ZNF454: variants seen among roughly 807,000 people sequenced by gnomAD.
ZNF454 encodes the protein zinc finger protein 454.
A neutral mutation model predicts 48.2 loss-of-function variants in ZNF454; 30 were observed. The ratio of observed to expected loss-of-function variants is 0.62; its 90% CI spans 0.47 to 0.84. The LOEUF is 0.84. Ranked by LOEUF, ZNF454 falls within the 40% of genes least tolerant of loss-of-function variation. The probability of loss-of-function intolerance (pLI) is 0.00; values close to 1 mark genes in which losing one functional copy is unlikely to be tolerated. For missense variants in ZNF454, 510 were observed against 623.1 expected (o/e 0.82, Z 1.93); for synonymous variants, 204 against 211.4 (o/e 0.97, Z 0.30).
the ZNF454 span, chr5:178,986,657 C>G: frequency 6.2e-7 from 1 of 1,602,746 alleles, no homozygotes; most frequent in South Asian, 1.1e-5. Flanking sequence ...CAGGGGACGC[C>G]CTTCACCATC....
At chr5:178,985,702 A>T in the ZNF454 span, 3 of 198,398 alleles carry the variant, frequency 1.5e-5, no homozygotes, top group Non-Finnish European at 2.8e-5. Context: ...GACTCTGTCT[A>T]AAAAAAAAAA....
At chr5:178,989,690 A>ATTTTTT in the ZNF454 span, 9 of 530,278 alleles carry the variant, frequency 1.7e-5, no homozygotes, top group South Asian at 4.1e-5. Context: ...ATGCTGATGC[A>ATTTTTT]AACTCAGAGC....
downstream of ZNF454, among the ~76,000 whole-genome samples, chr5:178,970,079 T>C (rs1021729762): frequency 6.6e-5 from 10 of 152,228 alleles, no homozygotes; most frequent in East Asian, 1.9e-3. Flanking sequence ...TGCAGCAGAC[T>C]CAGGCTTCCA....
At chr5:178,974,463 C>T in the ZNF454 span, among the ~76,000 whole-genome samples, 25 of 152,028 alleles carry the variant, frequency 1.6e-4, 1 homozygote, top group Admixed American at 1.6e-3. Context: ...AGACTACAGG[C>T]GCCCGCCACC....
the ZNF454 span, among the ~76,000 whole-genome samples, chr5:178,975,153 C>CA: frequency 2.6e-5 from 4 of 152,106 alleles, no homozygotes; most frequent in Non-Finnish European, 1.5e-5. Flanking sequence ...ACTAAAAATA[C>CA]AAAAATTAGC....
the ZNF454 span, chr5:178,986,747 C>G: frequency 6.2e-7 from 1 of 1,607,654 alleles, no homozygotes; most frequent in Non-Finnish European, 8.5e-7. Flanking sequence ...CACTGCAGGG[C>G]CTCCACCTGG....
At chr5:178,983,267 A>C in the ZNF454 span, 1 of 1,534,936 alleles carries the variant, frequency 6.5e-7, no homozygotes, top group East Asian at 2.3e-5. Flanking sequence ...TCCAGGGACA[A>C]ATCCATTCCA....
the ZNF454 span, among the ~76,000 whole-genome samples, chr5:178,977,951 G>T: frequency 6.6e-6 from 1 of 152,042 alleles, no homozygotes; most frequent in African/African-American, 2.4e-5. Flanking sequence ...CTATCCAACT[G>T]GTCAGTTTCT....
chr5:178,983,453 G>A, the ZNF454 span: 3 of 693,638 alleles, frequency 4.3e-6, no homozygotes, highest in South Asian at 3.0e-5. Flanking sequence ...GGCAGCTGCG[G>A]AGAAGGGCTG....
At chr5:178,947,066 G>A (rs1468141809) in intron 4 of ZNF454, 80 bp downstream of exon 4, 1 of 1,132,106 alleles carries the variant, frequency 8.8e-7, no homozygotes. Flanking sequence ...AGGGAGGCTT[G>A]CAGATGCACC....
At chr5:178,987,095 T>C in the ZNF454 span, 3 of 1,111,264 alleles carry the variant, frequency 2.7e-6, no homozygotes, top group Admixed American at 5.9e-5. Flanking sequence ...GCATCACTGC[T>C]CATAAGGGAC....
At chr5:178,986,083 G>C in the ZNF454 span, 3 of 1,570,592 alleles carry the variant, frequency 1.9e-6, no homozygotes, top group South Asian at 3.5e-5. Flanking sequence ...GTAACGTTGC[G>C]GACAGTCCCC....
At chr5:178,974,314 T>A in the ZNF454 span, among the ~76,000 whole-genome samples, 1 of 119,872 alleles carries the variant, frequency 8.3e-6, no homozygotes, top group East Asian at 2.5e-4. Flanking sequence ...GTGGTTGTGG[T>A]TGTTGTTGTT....
Position 178,947,002 on chromosome 5 carries a change from G to A in ZNF454, c.250+16G>A. The A allele has an allele frequency of 6.2e-7, 1 of 1,609,332 alleles. No homozygotes were observed. Reference sequence around the variant, plus strand: ...TTCTGTCTTGGTAAGAATCATGTGTGTGGGAGACACCGGGAGGAGCCCTGC... The same window carrying A: ...TTCTGTCTTGGTAAGAATCATGTGTATGGGAGACACCGGGAGGAGCCCTGC... On this transcript the variant is annotated intron_variant, in intron 4 of 4. Transcript: ENST00000519564.
At chr5:178,987,100 A>T in the ZNF454 span, 1 of 1,056,618 alleles carries the variant, frequency 9.5e-7, no homozygotes, top group Non-Finnish European at 1.4e-6. Flanking sequence ...ACTGCTCATA[A>T]GGGACGTGCA....
At chr5:178,942,585 C>G in intron 1 of ZNF454, 100 bp from the exon 2 acceptor site, 1 of 524,958 alleles carries the variant, frequency 1.9e-6, no homozygotes, top group South Asian at 3.0e-5. Context: ...AACCAAAACA[C>G]TCACTGCTTG....
intron 4 of ZNF454, 42 bp from the exon 5 acceptor site, chr5:178,964,613 T>G (rs1760085794): frequency 6.7e-7 from 1 of 1,485,850 alleles, no homozygotes; most frequent in South Asian, 1.2e-5. Context: ...CCAAATGTTT[T>G]GCTAGGGTAA....
intron 4 of ZNF454, among the ~76,000 whole-genome samples, chr5:178,959,932 CTTTCT>C (rs550320065): frequency 4.8e-4 from 71 of 147,352 alleles, no homozygotes; most frequent in African/African-American, 1.5e-3. Flanking sequence ...TTCTTTTTTT[CTTTCT>C]TTTCTTTTCT....
At chr5:178,957,184 GTCTT>G (rs1337758788) in intron 4 of ZNF454, among the ~76,000 whole-genome samples, 2 of 144,392 alleles carry the variant, frequency 1.4e-5, no homozygotes, top group Non-Finnish European at 3.1e-5. Flanking sequence ...GCCCGGCCCA[GTCTT>G]TCTTATTTTA....
Sources: gnomAD v4.1 joint callset for allele counts (sites outside exome capture counted in the v4.1 genomes callset) on GRCh38, gnomAD v4.1.1 for gene constraint, MANE v1.5 for transcripts, NCBI Gene and HGNC (gene_info 2026-07-23, HGNC 2026-07-21) for gene names.